The following H1-3 variants were observed in gnomAD, a reference collection of about 807,000 sequenced individuals.
H1-3 encodes histone H1.3.
In H1-3, 4 loss-of-function variants were observed where a neutral mutation model predicts 3.6. The observed-to-expected ratio is 1.12, with a 90% CI of 0.55 to 2.57. The LOEUF is 2.57. Among genes scored for constraint, H1-3 ranks in the 30% most tolerant of loss-of-function variants. H1-3 has a pLI of 0.02. For synonymous variants in H1-3, 266 were observed against 110.0 expected (o/e 2.42, Z -8.87); for missense variants, 670 against 274.3 (o/e 2.44, Z -10.19).
rs1282745423 is a variant in H1-3, at chr6:26,234,289, CTTCT to C, written c.641_644del (p.Lys214ArgfsTer?). The C allele has an allele frequency of 1.3e-6, 2 of 1,598,040 alleles. No homozygotes were observed. Among genetic ancestry groups the C allele is most frequent in the Non-Finnish European group, 1.7e-6 (2 of 1,175,484 alleles). ...AGTTTCACTTTTTCTTCGGAGCTGC[CTTCT>C]TTGCCTTTGTAACCTTCGGCTTCCC... On this transcript the variant is annotated frameshift_variant, in exon 1 of 1. Coordinates refer to ENST00000244534, the MANE Select transcript of H1-3 (RefSeq NM_005320.3). LOFTEE classifies it high-confidence loss of function.
chr6:26,234,386 G>A lies in H1-3; in HGVS notation c.548C>T (p.Pro183Leu), dbSNP rs547631849. ...AGCTGGACTCTTGGCAGCTTTTTTTGGCTGAGGTGTTTTCACCTTTTTCGC... is the reference window on the plus strand; with the variant it reads ...AGCTGGACTCTTGGCAGCTTTTTTTAGCTGAGGTGTTTTCACCTTTTTCGC... ...KSAKKVKTPQ[P>L]KKAAKSPAKA... The change falls in exon 1 of 1, where the codon CCA becomes CTA. Residue 183 changes from proline (P) to leucine (L), a missense_variant. Transcript: ENST00000244534. 7.4e-6 allele frequency: 12 copies of A among 1,614,164 alleles called. No homozygotes were observed. In the South Asian group the frequency reaches 1.1e-4, roughly 15 times the overall value.
Position 26,234,255 on chromosome 6 carries a change from C to T in H1-3, c.*13G>A, listed in dbSNP as rs769067687. On this transcript the variant is annotated 3_prime_UTR_variant, in exon 1 of 1. Transcript: ENST00000244534. ...GCCGTTTAAAATTTTCAAAGGGGAA[C>T]GTCCCGCCAGTTTCACTTTTTCTTC... The T allele has an allele frequency of 1.3e-5, 20 of 1,582,244 alleles. 1 individual carries two copies. The South Asian group carries it at 1.9e-4, about 15-fold the overall frequency.
At position 26,234,350 on chromosome 6, in the gene H1-3, G is replaced by T. The variant is rs754045433; in HGVS notation, c.584C>A (p.Ala195Asp). ...AGGCTTGGCCGCCTTGGGCTTAGGG[G>T]CTTTGGCCTTAGCTGGACTCTTGGC... is the stretch of plus-strand genomic sequence containing the variant. ...KAAKSPAKAK[A>D]PKPKAAKPKS... Residue 195 changes from alanine (A) to aspartate (D), a missense_variant, in exon 1 of 1, where the codon GCC (alanine) becomes GAC (aspartate). Physicochemically the swap from Ala to Asp is moderately radical, Grantham distance 126 (BLOSUM62 -2). Coordinates refer to ENST00000244534, the MANE Select transcript of H1-3 (RefSeq NM_005320.3). 1 of 1,614,252 alleles carries T rather than the reference G, an allele frequency of 6.2e-7. No individual in the cohort carries two copies. The highest frequency in any genetic ancestry group is 1.1e-5 in the South Asian group (1 of 91,090).
Position 26,234,351 on chromosome 6 carries a change from C to T in H1-3, c.583G>A (p.Ala195Thr), listed in dbSNP as rs1561995627. The T allele has an allele frequency of 2.5e-6, 4 of 1,614,256 alleles. No homozygotes were observed. Among genetic ancestry groups the T allele is most frequent in the Non-Finnish European group, 2.5e-6 (3 of 1,180,036 alleles). Residue 195 changes from alanine (A) to threonine (T), a missense_variant, in exon 1 of 1, where the codon GCC (alanine) becomes ACC (threonine). By Grantham distance (58) the Ala-to-Thr change is moderately conservative. Transcript: ENST00000244534. ...KAAKSPAKAK[A>T]PKPKAAKPKS... ...GGCTTGGCCGCCTTGGGCTTAGGGGCTTTGGCCTTAGCTGGACTCTTGGCA... is the reference window on the plus strand; with the variant it reads ...GGCTTGGCCGCCTTGGGCTTAGGGGTTTTGGCCTTAGCTGGACTCTTGGCA...
Position 26,234,618 on chromosome 6 carries a change from A to G in H1-3, c.316T>C (p.Phe106Leu). 1.2e-6 allele frequency: 2 copies of G among 1,614,094 alleles called. No homozygotes were observed. Among genetic ancestry groups the G allele is most frequent in the South Asian group, 2.2e-5 (2 of 91,078 alleles). Reference protein sequence around the residue: ...QTKGTGASGSFKLNKKAASGE... With the variant: ...QTKGTGASGSLKLNKKAASGE... ...GAAGCCGCTTTCTTGTTGAGTTTGA[A>G]GGAGCCAGAAGCACCGGTACCTTTG... The change falls in exon 1 of 1, where the codon TTC becomes CTC. Residue 106 changes from phenylalanine (F) to leucine (L), a missense_variant. Phe to Leu is a conservative substitution (Grantham distance 22). Coordinates refer to ENST00000244534, the MANE Select transcript of H1-3 (RefSeq NM_005320.3).
At position 26,234,290 on chromosome 6, in the gene H1-3, T is replaced by G. The variant is rs1427098672; in HGVS notation, c.644A>C (p.Lys215Thr). The G allele has an allele frequency of 2.5e-6, 4 of 1,601,356 alleles. No homozygotes were observed. The highest frequency in any genetic ancestry group is 1.8e-5 in the Admixed American group (1 of 55,986). The change falls in exon 1 of 1, where the codon AAG (lysine) becomes ACG (threonine). Residue 215 changes from lysine to threonine, a missense_variant. Physicochemically the swap from Lys to Thr is moderately conservative, Grantham distance 78 (BLOSUM62 -1). Transcript: ENST00000244534. ...SGKPKVTKAK[K>T]AAPKKK ...GTTTCACTTTTTCTTCGGAGCTGCC[T>G]TCTTTGCCTTTGTAACCTTCGGCTT...
chr6:26,234,354 T>C lies in H1-3; in HGVS notation c.580A>G (p.Lys194Glu), dbSNP rs1759730211. 3 of 1,614,144 alleles carry C rather than the reference T, an allele frequency of 1.9e-6. No individual in the cohort carries two copies. The highest frequency in any genetic ancestry group is 2.7e-5 in the African/African-American group (2 of 74,956). Reference sequence around the variant, plus strand: ...TTGGCCGCCTTGGGCTTAGGGGCTTTGGCCTTAGCTGGACTCTTGGCAGCT... The same window carrying C: ...TTGGCCGCCTTGGGCTTAGGGGCTTCGGCCTTAGCTGGACTCTTGGCAGCT... ...KKAAKSPAKA[K>E]APKPKAAKPK... Residue 194 changes from lysine to glutamate, a missense_variant, in exon 1 of 1, where the codon AAA (lysine) becomes GAA (glutamate). Physicochemically the swap from Lys to Glu is moderately conservative, Grantham distance 56. Transcript: ENST00000244534.
Position 26,234,704 on chromosome 6 carries a change from T to A in H1-3, c.230A>T (p.Asn77Ile). The A allele has an allele frequency of 6.2e-7, 1 of 1,613,636 alleles. No individual in the cohort carries two copies. Among genetic ancestry groups the A allele is most frequent in the Non-Finnish European group, 8.5e-7 (1 of 1,179,834 alleles). Residue 77 changes from asparagine (N) to isoleucine (I), a missense_variant, in exon 1 of 1, where the codon AAC becomes ATC. Transcript: ENST00000244534. ...LAAAGYDVEK[N>I]NSRIKLGLKS... ...GAGGCCAAGCTTGATACGGCTGTTG[T>A]TTTTTTCTACATCGTAGCCAGCAGC...
rs757799635 is a variant in H1-3 at position 26,234,770 on chromosome 6, C to T, written c.164G>A (p.Arg55His). Residue 55 changes from arginine (R) to histidine (H), a missense_variant, in exon 1 of 1, where the codon CGC (arginine) becomes CAC (histidine). Transcript: ENST00000244534. ...AAGCGCGGCCAGAGAAACGCCGCTG[C>T]GCTCCTTAGAAGCTGCCACTGCCTT... ...ITKAVAASKERSGVSLAALKK... is the reference protein window; with the variant it reads ...ITKAVAASKEHSGVSLAALKK... 5.0e-6 allele frequency: 8 copies of T among 1,614,108 alleles called. No individual in the cohort carries two copies. The highest frequency in any genetic ancestry group is 6.8e-6 in the Non-Finnish European group (8 of 1,180,050).
At position 26,234,401 on chromosome 6, in the gene H1-3, A is replaced by G; in HGVS notation, c.533T>C (p.Val178Ala). ...AGCTTTTTTTGGCTGAGGTGTTTTC[A>G]CCTTTTTCGCACTCTTGGCCACTTT... ...TKKVAKSAKK[V>A]KTPQPKKAAK... Residue 178 changes from valine to alanine, a missense_variant, in exon 1 of 1, where the codon GTG (valine) becomes GCG (alanine). Transcript: ENST00000244534. 1 of 1,613,960 alleles carries G rather than the reference A, an allele frequency of 6.2e-7. No homozygotes were observed. The highest frequency in any genetic ancestry group is 8.5e-7 in the Non-Finnish European group (1 of 1,179,990).
chr6:26,234,293 T>A lies in H1-3; in HGVS notation c.641A>T (p.Lys214Met). Residue 214 changes from lysine (K) to methionine (M), a missense_variant, in exon 1 of 1, where the codon AAG becomes ATG. Lys to Met is a moderately conservative substitution (Grantham distance 95). Transcript: ENST00000244534. Reference protein sequence around the residue: ...KSGKPKVTKAKKAAPKKK With the variant: ...KSGKPKVTKAMKAAPKKK ...TCACTTTTTCTTCGGAGCTGCCTTC[T>A]TTGCCTTTGTAACCTTCGGCTTCCC... 6.2e-7 allele frequency: 1 copy of A among 1,602,864 alleles called. No individual in the cohort carries two copies. The highest frequency in any genetic ancestry group is 1.1e-5 in the South Asian group (1 of 89,098).
chr6:26,234,476 T>C lies in H1-3; in HGVS notation c.458A>G (p.Lys153Arg), dbSNP rs748288337. 35 of 1,613,922 alleles carry C rather than the reference T, an allele frequency of 2.2e-5. No homozygotes were observed. The highest frequency in any genetic ancestry group is 9.4e-5 in the African/African-American group (7 of 74,850). ...CTTCTTTACCTTCTTAGGAGTCTTT[T>C]TGATGCTTTTCTTCGGGGTAGCGGC... ...AGAATPKKSI[K>R]KTPKKVKKPA... is the part of the protein sequence containing the mutation. Residue 153 changes from lysine to arginine, a missense_variant, in exon 1 of 1, where the codon AAA (lysine) becomes AGA (arginine). By Grantham distance (26) the Lys-to-Arg change is conservative. Transcript: ENST00000244534.
rs747537217 is a variant in H1-3 at position 26,234,849 on chromosome 6, C to T, written c.85G>A (p.Ala29Thr). 8.1e-6 allele frequency: 13 copies of T among 1,614,052 alleles called. No homozygotes were observed. The highest frequency in any genetic ancestry group is 9.3e-6 in the Non-Finnish European group (11 of 1,180,032). Residue 29 changes from alanine to threonine, a missense_variant, in exon 1 of 1, where the codon GCA becomes ACA. Transcript: ENST00000244534. ...PVKKKAKKAGATAGKRKASGP... is the reference protein window; with the variant it reads ...PVKKKAKKAGTTAGKRKASGP... ...GATGCTTTGCGTTTCCCAGCAGTTG[C>T]GCCTGCCTTCTTCGCCTTTTTCTTC...
Position 26,234,758 on chromosome 6 carries a change from G to A in H1-3, c.176C>T (p.Ser59Phe), listed in dbSNP as rs774668728. 8.1e-6 allele frequency: 13 copies of A among 1,614,052 alleles called. No individual in the cohort carries two copies. Among genetic ancestry groups the A allele is most frequent in the South Asian group, 4.4e-5 (4 of 91,090 alleles). Residue 59 changes from serine to phenylalanine, a missense_variant, in exon 1 of 1, where the codon TCT becomes TTT. Coordinates refer to ENST00000244534, the MANE Select transcript of H1-3 (RefSeq NM_005320.3). ...AAGCGCTTTCTTAAGCGCGGCCAGAGAAACGCCGCTGCGCTCCTTAGAAGC... is the reference window on the plus strand; with the variant it reads ...AAGCGCTTTCTTAAGCGCGGCCAGAAAAACGCCGCTGCGCTCCTTAGAAGC... ...VAASKERSGV[S>F]LAALKKALAA...
chr6:26,234,986 A>G lies in H1-3; in HGVS notation c.-53T>C. On this transcript the variant is annotated 5_prime_UTR_variant, in exon 1 of 1. An upstream start codon of the reference 5' UTR is lost. Transcript: ENST00000244534. ...AGTAATCTCAAACTGTCAGAACAGC[A>G]TGTCCTCTACGAGGGAGGCTGAGGG... 8 of 1,502,960 alleles carry G rather than the reference A, an allele frequency of 5.3e-6. No individual in the cohort carries two copies. The highest frequency in any genetic ancestry group is 7.2e-6 in the Non-Finnish European group (8 of 1,114,356). The allele number at this position is 1,502,960 out of a possible 1,614,324, so 93.1% of individuals were successfully genotyped here. A position where few individuals can be genotyped will look rare whatever the true frequency, so the allele number is the denominator to read the frequency against.
Position 26,234,393 on chromosome 6 carries a change from G to T in H1-3, c.541C>A (p.Pro181Thr), listed in dbSNP as rs532920209. The part of the protein sequence containing the change: ...VAKSAKKVKT[P>T]QPKKAAKSPA... ...CTCTTGGCAGCTTTTTTTGGCTGAG[G>T]TGTTTTCACCTTTTTCGCACTCTTG... The change falls in exon 1 of 1, where the codon CCT (proline) becomes ACT (threonine). Residue 181 changes from proline (P) to threonine (T), a missense_variant. Coordinates refer to ENST00000244534, the MANE Select transcript of H1-3 (RefSeq NM_005320.3). 5.0e-6 allele frequency: 8 copies of T among 1,614,108 alleles called. No individual in the cohort carries two copies. In the African/African-American group the frequency reaches 9.3e-5, roughly 19 times the overall value.
At position 26,234,499 on chromosome 6, in the gene H1-3, G is replaced by A; in HGVS notation, c.435C>T (p.Ala145=). The A allele has an allele frequency of 6.2e-7, 1 of 1,613,928 alleles. No homozygotes were observed. Among genetic ancestry groups the A allele is most frequent in the Non-Finnish European group, 8.5e-7 (1 of 1,180,008 alleles). ...TTTTGATGCTTTTCTTCGGGGTAGC[G>A]GCGCCAGCCACCTTCTTGGGCTTCT... ...AAKKPKKVAG[A]ATPKKSIKKT... is the part of the protein sequence containing the mutation. Residue 145 remains alanine, a synonymous_variant, in exon 1 of 1, where the codon GCC becomes GCT. Transcript: ENST00000244534.
Position 26,234,266 on chromosome 6 carries a change from T to C in H1-3, c.*2A>G, listed in dbSNP as rs536088322. ...TTTTCAAAGGGGAACGTCCCGCCAG[T>C]TTCACTTTTTCTTCGGAGCTGCCTT... is the stretch of plus-strand genomic sequence containing the variant. On this transcript the variant is annotated 3_prime_UTR_variant, in exon 1 of 1. Transcript: ENST00000244534. 3.2e-6 allele frequency: 5 copies of C among 1,585,238 alleles called. No homozygotes were observed. The highest frequency in any genetic ancestry group is 2.7e-5 in the African/African-American group (2 of 72,806).
In H1-3 at chr6:26,234,374, G is replaced by C; in HGVS notation, c.560C>G (p.Ala187Gly). 1 of 1,614,206 alleles carries C rather than the reference G, an allele frequency of 6.2e-7. No homozygotes were observed. The change falls in exon 1 of 1, where the codon GCC becomes GGC. Residue 187 changes from alanine to glycine, a missense_variant. Physicochemically the swap from Ala to Gly is moderately conservative, Grantham distance 60. Transcript: ENST00000244534. Reference protein sequence around the residue: ...KVKTPQPKKAAKSPAKAKAPK... With the variant: ...KVKTPQPKKAGKSPAKAKAPK... ...GGCTTTGGCCTTAGCTGGACTCTTG[G>C]CAGCTTTTTTTGGCTGAGGTGTTTT... is the stretch of plus-strand genomic sequence containing the variant.
Sources: gnomAD v4.1 joint callset for allele counts on GRCh38, gnomAD v4.1.1 for gene constraint, MANE v1.5 for transcripts, NCBI Gene and HGNC (gene_info 2026-07-23, HGNC 2026-07-21) for gene names.